Variants in DCC observed in about 807,000 individuals in gnomAD.
The protein encoded by DCC is DCC netrin 1 receptor, also known as netrin receptor DCC.
In DCC, 58 loss-of-function variants were observed where a neutral mutation model predicts 172.5. The observed-to-expected ratio is 0.34, with a 90% CI of 0.27 to 0.42. DCC has a LOEUF of 0.42. DCC is among the 10% of genes least tolerant of loss of function. The pLI is 1.00. For synonymous variants in DCC, 709 were observed against 644.5 expected, an observed-to-expected ratio of 1.10 and a Z score of -1.52; for missense variants, 1,740 against 1,791.0, an observed-to-expected ratio of 0.97 and a Z score of 0.51.
intron 1 of DCC, among the ~76,000 whole-genome samples, chr18:52,365,386 G>T (rs940986702): frequency 6.6e-6 from 1 of 152,190 alleles, no homozygotes. Flanking sequence ...AGATAAACAA[G>T]TAACACATGA....
intron 2 of DCC, among the ~76,000 whole-genome samples, chr18:52,859,325 A>C (rs2039099757): frequency 6.6e-6 from 1 of 152,122 alleles, no homozygotes; most frequent in African/African-American, 2.4e-5. Flanking sequence ...CTGAAGTTTC[A>C]CTGAGAAATC....
At chr18:52,414,809 A>G (rs988707758) in intron 1 of DCC, among the ~76,000 whole-genome samples, 1 of 152,180 alleles carries the variant, frequency 6.6e-6, no homozygotes, top group South Asian at 2.1e-4. Flanking sequence ...TTGCGTGAAA[A>G]ATGCAGTAGT....
chr18:53,305,457 G>T lies in DCC; in HGVS notation c.1912-121G>T, dbSNP rs942401246. 4 of 771,208 alleles carry T rather than the reference G, an allele frequency of 5.2e-6. No homozygotes were observed. In the African/African-American group the frequency reaches 6.9e-5, roughly 13 times the overall value. 47.8% of individuals were successfully genotyped at this position (771,208 alleles called of 1,614,324 possible). A position where few individuals can be genotyped will look rare whatever the true frequency, so the allele number is the denominator to read the frequency against. The stretch of plus-strand genomic sequence containing the variant: ...AACGAATTTAATTTGTCTCTAAGTG[G>T]CAATCGCTAACACTTCTTGCTTCTC... On this transcript the variant is annotated intron_variant, in intron 12 of 28. Coordinates refer to ENST00000442544, the MANE Select transcript of DCC (RefSeq NM_005215.4).
At chr18:53,006,967 G>T (rs890535251) in intron 5 of DCC, among the ~76,000 whole-genome samples, 1 of 152,124 alleles carries the variant, frequency 6.6e-6, no homozygotes, top group African/African-American at 2.4e-5. Flanking sequence ...ATCAGAAATG[G>T]TATATTCAAC....
At chr18:53,178,869 T>C in intron 8 of DCC, 93 bp from the exon 9 acceptor site, 1 of 1,335,506 alleles carries the variant, frequency 7.5e-7, no homozygotes, top group East Asian at 2.3e-5. Context: ...AGCAACCTTT[T>C]GGTTCACCTC....
At chr18:52,925,934 G>T (rs1372373579) in intron 5 of DCC, among the ~76,000 whole-genome samples, 1 of 144,628 alleles carries the variant, frequency 6.9e-6, no homozygotes. Flanking sequence ...AAAAGGCAGG[G>T]TTACCCATGT....
chr18:53,324,501 G>A (rs932518452), intron 14 of DCC, among the ~76,000 whole-genome samples: 1 of 152,118 alleles, frequency 6.6e-6, no homozygotes, highest in East Asian at 1.9e-4. Context: ...AGAAACTACT[G>A]CTTTATATAA....
intron 2 of DCC, among the ~76,000 whole-genome samples, chr18:52,834,029 C>T (rs1180322837): frequency 1.3e-5 from 2 of 152,110 alleles, no homozygotes; most frequent in African/African-American, 2.4e-5. Flanking sequence ...TGCTTGGGTA[C>T]ATACACAGCA....
At chr18:53,498,322 A>G (rs7231042) in intron 26 of DCC, among the ~76,000 whole-genome samples, 36,767 of 152,152 alleles carry the variant, frequency 0.24, 4,871 homozygotes, top group East Asian at 0.41. Context: ...CAAAAGCAAG[A>G]TATTATCTTA....
intron 25 of DCC, among the ~76,000 whole-genome samples, chr18:53,471,267 G>T (rs72918243): frequency 2.6e-5 from 4 of 152,138 alleles, no homozygotes; most frequent in Admixed American, 2.6e-4. Flanking sequence ...GGAGAATATG[G>T]TATCCATCCA....
At chr18:53,070,031 G>A (rs1361552721) in intron 7 of DCC, among the ~76,000 whole-genome samples, 2 of 151,036 alleles carry the variant, frequency 1.3e-5, no homozygotes, top group African/African-American at 2.4e-5. Flanking sequence ...CCATGCTGGA[G>A]TGCAATGGCA....
At chr18:53,250,315 A>T (rs866487575) in intron 12 of DCC, among the ~76,000 whole-genome samples, 2 of 151,946 alleles carry the variant, frequency 1.3e-5, no homozygotes, top group South Asian at 2.1e-4. Flanking sequence ...AAACTAATTT[A>T]AAAAAATGAG....
chr18:52,584,851 T>A (rs1469491458), intron 1 of DCC, among the ~76,000 whole-genome samples: 1 of 152,024 alleles, frequency 6.6e-6, no homozygotes, highest in African/African-American at 2.4e-5. Context: ...AAACCACTAC[T>A]TTAGGCAGTA....
At chr18:52,466,426 G>A (rs1988787796) in intron 1 of DCC, among the ~76,000 whole-genome samples, 1 of 152,088 alleles carries the variant, frequency 6.6e-6, no homozygotes, top group Non-Finnish European at 1.5e-5. Flanking sequence ...TAGCCTTATA[G>A]GGGCCTCTCT....
chr18:52,953,987 A>C (rs1292112971), intron 5 of DCC, among the ~76,000 whole-genome samples: 1 of 152,240 alleles, frequency 6.6e-6, no homozygotes, highest in Non-Finnish European at 1.5e-5. Context: ...TGATATGTTT[A>C]AATTATATAG....
At chr18:52,664,102 C>T (rs2035415044) in intron 1 of DCC, among the ~76,000 whole-genome samples, 1 of 152,144 alleles carries the variant, frequency 6.6e-6, no homozygotes, top group South Asian at 2.1e-4. Flanking sequence ...ATCATTATGG[C>T]CTGGAGGTTT....
At chr18:52,361,176 T>C (rs920467405) in intron 1 of DCC, among the ~76,000 whole-genome samples, 1 of 152,218 alleles carries the variant, frequency 6.6e-6, no homozygotes, top group African/African-American at 2.4e-5. Context: ...TAAAAAGATA[T>C]ATATGCTTAT....
chr18:53,360,841 C>T (rs906395847), intron 15 of DCC, among the ~76,000 whole-genome samples: 6 of 152,168 alleles, frequency 3.9e-5, no homozygotes, highest in Admixed American at 1.3e-4. Context: ...TAGCCTCCTT[C>T]ATAATTAGCA....
At chr18:52,846,667 C>T (rs1229494754) in intron 2 of DCC, among the ~76,000 whole-genome samples, 1 of 145,456 alleles carries the variant, frequency 6.9e-6, no homozygotes, top group African/African-American at 2.5e-5. Context: ...GGATACTTGT[C>T]TTGGTGTCTC....
Sources: allele counts gnomAD v4.1 joint callset (sites outside exome capture counted in the v4.1 genomes callset), GRCh38; gene constraint gnomAD v4.1.1; transcripts MANE v1.5; gene names NCBI Gene and HGNC (gene_info 2026-07-23, HGNC 2026-07-21).